KCNQ5: variants seen among roughly 807,000 people sequenced by gnomAD.
KCNQ5 encodes the protein potassium voltage-gated channel subfamily Q member 5.
KCNQ5 carries 30 observed loss-of-function variants against 98.2 expected under a neutral mutation model. The observed-to-expected ratio is 0.31, with a 90% CI of 0.23 to 0.41. The LOEUF (loss-of-function observed/expected upper bound fraction) is 0.41, where lower values mean the gene tolerates loss of function less well. Among genes scored for constraint, KCNQ5 ranks in the 10% least tolerant of loss-of-function variants. The pLI is 1.00. For synonymous variants in KCNQ5, 458 were observed against 449.4 expected, an observed-to-expected ratio of 1.02 and a Z score of -0.24; for missense variants, 835 against 1,182.5, an observed-to-expected ratio of 0.71 and a Z score of 4.31.
rs144098422 is a variant in KCNQ5 at position 73,075,449 on chromosome 6, C to A, written c.617-1873C>A. 3.9e-3 allele frequency among the ~76,000 whole-genome samples: 593 copies of A among 152,246 alleles called. 1 individual carries two copies. The highest frequency in any genetic ancestry group is 0.013 in the African/African-American group (557 of 41,540). On this transcript the variant is annotated intron_variant, in intron 3 of 13. Transcript: ENST00000370398. The stretch of plus-strand genomic sequence containing the variant: ...TGTTGGCCAGGATGGTCTCGATCTC[C>A]TGACCTCATGATCCGCCCACCTTGG...
intron 1 of KCNQ5, among the ~76,000 whole-genome samples, chr6:72,640,366 A>AT (rs147328732): frequency 6.6e-6 from 1 of 151,514 alleles, no homozygotes. Context: ...TATACTTTGT[A>AT]ACCATATATA....
At chr6:73,014,094 T>C (rs997441675) in intron 2 of KCNQ5, among the ~76,000 whole-genome samples, 4 of 152,128 alleles carry the variant, frequency 2.6e-5, no homozygotes, top group African/African-American at 7.2e-5. Flanking sequence ...GGTTAGACTA[T>C]TGTGGTAAGT....
At chr6:72,684,379 A>T (rs1179607819) in intron 1 of KCNQ5, among the ~76,000 whole-genome samples, 1 of 152,194 alleles carries the variant, frequency 6.6e-6, no homozygotes, top group Non-Finnish European at 1.5e-5. Context: ...CCGACAAAGT[A>T]TTGTGGTTTC....
chr6:72,931,447 G>A (rs960059125), intron 1 of KCNQ5, among the ~76,000 whole-genome samples: 2 of 152,020 alleles, frequency 1.3e-5, no homozygotes, highest in African/African-American at 4.8e-5. Context: ...AGCCCCTTCT[G>A]AAACCACATC....
chr6:72,775,002 CAT>C lies in KCNQ5; in HGVS notation c.398+152419_398+152420del, dbSNP rs909317337. ...ATGTGTCCATATGTTCATGAAAAGA[CAT>C]ATACCTGAATGTCCATAGTGGCACT... is the stretch of plus-strand genomic sequence containing the variant. On this transcript the variant is annotated intron_variant, in intron 1 of 13. Coordinates refer to ENST00000370398, the MANE Select transcript of KCNQ5 (RefSeq NM_019842.4). Among the ~76,000 whole-genome samples, 6 of 152,246 alleles carry C rather than the reference CAT, an allele frequency of 3.9e-5. No individual in the cohort carries two copies. In the South Asian group the frequency reaches 1.0e-3, roughly 26 times the overall value.
chr6:72,744,358 A>G (rs766908863), intron 1 of KCNQ5, among the ~76,000 whole-genome samples: 1 of 152,238 alleles, frequency 6.6e-6, no homozygotes, highest in Non-Finnish European at 1.5e-5. Context: ...ACTTTCTACT[A>G]TGAATTATAG....
chr6:73,052,627 T>C lies in KCNQ5; in HGVS notation c.616+10565T>C, dbSNP rs369559797. Among the ~76,000 whole-genome samples, 27 of 152,304 alleles carry C rather than the reference T, an allele frequency of 1.8e-4. No individual in the cohort carries two copies. The East Asian group carries it at 2.1e-3, about 12-fold the overall frequency. On this transcript the variant is annotated intron_variant, in intron 3 of 13. Coordinates refer to ENST00000370398, the MANE Select transcript of KCNQ5 (RefSeq NM_019842.4). ...AGAAATTCCAAACAAGAATTTCATA[T>C]CCAGCCAAACTAAGCTTCATAAATG...
chr6:72,972,388 A>C (rs1008018387), intron 1 of KCNQ5, among the ~76,000 whole-genome samples: 1 of 152,088 alleles, frequency 6.6e-6, no homozygotes, highest in African/African-American at 2.4e-5. Flanking sequence ...CTTCTGAAAA[A>C]ACAAATGGAA....
intron 10 of KCNQ5, among the ~76,000 whole-genome samples, chr6:73,156,111 A>G (rs978447258): frequency 1.8e-4 from 28 of 152,216 alleles, no homozygotes; most frequent in African/African-American, 6.5e-4. Flanking sequence ...CTCTAAATCT[A>G]GGATGATATT....
Position 72,679,574 on chromosome 6 carries a change from G to A in KCNQ5, c.398+56987G>A, listed in dbSNP as rs372728587. On this transcript the variant is annotated intron_variant, in intron 1 of 13. Coordinates refer to ENST00000370398, the MANE Select transcript of KCNQ5 (RefSeq NM_019842.4). ...AACATCACACTCTGGGGACTGTTGT[G>A]GGGTGGGGGGAGGGGAGAGGGATAG... Among the ~76,000 whole-genome samples the A allele has an allele frequency of 1.2e-4, 15 of 121,560 alleles. No homozygotes were observed. In the East Asian group the frequency reaches 4.4e-3, roughly 36 times the overall value. 79.7% of individuals were successfully genotyped at this position (121,560 alleles called of 152,430 possible).
At chr6:72,958,566 T>G (rs1016927356) in intron 1 of KCNQ5, among the ~76,000 whole-genome samples, 1 of 152,228 alleles carries the variant, frequency 6.6e-6, no homozygotes, top group Non-Finnish European at 1.5e-5. Flanking sequence ...ATTTCTGCTA[T>G]ATTGATATGG....
At chr6:72,758,696 T>C (rs1326569955) in intron 1 of KCNQ5, among the ~76,000 whole-genome samples, 3 of 152,210 alleles carry the variant, frequency 2.0e-5, no homozygotes, top group Non-Finnish European at 4.4e-5. Flanking sequence ...AATTGTAATA[T>C]ATTTATTCAG....
intron 1 of KCNQ5, among the ~76,000 whole-genome samples, chr6:72,892,751 G>A (rs1779105668): frequency 6.6e-6 from 1 of 151,672 alleles, no homozygotes; most frequent in African/African-American, 2.4e-5. Flanking sequence ...TATCCTGGAT[G>A]TTCCAGATTT....
chr6:73,030,422 A>G (rs1771091061), intron 2 of KCNQ5, among the ~76,000 whole-genome samples: 1 of 152,172 alleles, frequency 6.6e-6, no homozygotes, highest in Non-Finnish European at 1.5e-5. Flanking sequence ...TGTGCATGCA[A>G]TGTGCACAGA....
intron 9 of KCNQ5, among the ~76,000 whole-genome samples, chr6:73,129,126 T>C (rs936047786): frequency 6.6e-5 from 10 of 152,254 alleles, no homozygotes; most frequent in African/African-American, 7.2e-5. Flanking sequence ...TCAACTTGTG[T>C]CCTTATTGGC....
intron 5 of KCNQ5, among the ~76,000 whole-genome samples, chr6:73,080,778 G>C (rs909559877): frequency 1.3e-5 from 2 of 152,138 alleles, no homozygotes; most frequent in African/African-American, 4.8e-5. Flanking sequence ...TCAACATTAA[G>C]TATCAAAATA....
At chr6:72,732,267 T>C (rs12211580) in intron 1 of KCNQ5, among the ~76,000 whole-genome samples, 17,997 of 151,956 alleles carry the variant, frequency 0.12, 1,114 homozygotes, top group South Asian at 0.17. Flanking sequence ...TAAGAGGGAC[T>C]ACATATTACA....
At chr6:72,986,920 G>A in intron 1 of KCNQ5, 1 of 852,312 alleles carries the variant, frequency 1.2e-6, no homozygotes, top group South Asian at 1.5e-5. Context: ...AGAAGGGTGA[G>A]GAACAGGCAG....
At chr6:72,631,098 G>C (rs2098920555) in intron 1 of KCNQ5, among the ~76,000 whole-genome samples, 1 of 152,198 alleles carries the variant, frequency 6.6e-6, no homozygotes, top group Non-Finnish European at 1.5e-5. Context: ...ATACAGATTT[G>C]TTATTTCCAG....
Sources: gnomAD v4.1 joint callset for allele counts (sites outside exome capture counted in the v4.1 genomes callset) on GRCh38, gnomAD v4.1.1 for gene constraint, MANE v1.5 for transcripts, NCBI Gene and HGNC (gene_info 2026-07-23, HGNC 2026-07-21) for gene names.